Variants in IGSF11 observed in about 807,000 individuals in gnomAD.
IGSF11 encodes the protein immunoglobulin superfamily member 11, also known as CXADR like 1.
In IGSF11, 22 loss-of-function variants were observed where a neutral mutation model predicts 41.0. The ratio of observed to expected loss-of-function variants is 0.54; its 90% CI spans 0.38 to 0.77. The LOEUF (loss-of-function observed/expected upper bound fraction) is 0.77, where lower values mean the gene tolerates loss of function less well. IGSF11 is among the 30% of genes least tolerant of loss of function. The pLI is 0.00. For synonymous variants in IGSF11, 219 were observed against 201.3 expected, an observed-to-expected ratio of 1.09 and a Z score of -0.74; for missense variants, 444 against 530.8, an observed-to-expected ratio of 0.84 and a Z score of 1.61.
chr3:118,975,193 CA>C (rs992385100), intron 1 of IGSF11, among the ~76,000 whole-genome samples: 1 of 151,984 alleles, frequency 6.6e-6, no homozygotes, highest in Non-Finnish European at 1.5e-5. Flanking sequence ...TTGCCTTGAA[CA>C]AAAAAATTAA....
intron 1 of IGSF11, among the ~76,000 whole-genome samples, chr3:119,137,270 T>A (rs1169758240): frequency 6.6e-6 from 1 of 151,988 alleles, no homozygotes; most frequent in Non-Finnish European, 1.5e-5. Flanking sequence ...GCCAAAGCTA[T>A]CCTAAGCAAA....
At chr3:119,107,060 G>A (rs2077043614), upstream of IGSF11, among the ~76,000 whole-genome samples, 3 of 152,122 alleles carry the variant, frequency 2.0e-5, no homozygotes, top group African/African-American at 7.2e-5. Flanking sequence ...GTGTGCATGT[G>A]TCTTTATAGC....
intron 1 of IGSF11, among the ~76,000 whole-genome samples, chr3:119,074,950 C>G (rs548620302): frequency 6.6e-6 from 1 of 152,124 alleles, no homozygotes; most frequent in South Asian, 2.1e-4. Flanking sequence ...CAAACCAATA[C>G]CAATGCTGGC....
intron 1 of IGSF11, among the ~76,000 whole-genome samples, chr3:119,009,794 G>A (rs1477807318): frequency 3.9e-5 from 6 of 152,198 alleles, no homozygotes; most frequent in African/African-American, 7.2e-5. Context: ...ATTTATTCCT[G>A]TTTTGTCATG....
chr3:119,132,127 A>C (rs550575701), intron 1 of IGSF11, among the ~76,000 whole-genome samples: 1 of 152,214 alleles, frequency 6.6e-6, no homozygotes, highest in Admixed American at 6.5e-5. Context: ...TCGATGCTAT[A>C]AAGAAACTGT....
chr3:119,035,172 T>G (rs961570626), upstream of IGSF11, among the ~76,000 whole-genome samples: 2 of 152,240 alleles, frequency 1.3e-5, no homozygotes, highest in African/African-American at 4.8e-5. Flanking sequence ...GTCGGCCTGA[T>G]GCATCCTGGA....
rs1941164328 is a variant in IGSF11, at chr3:119,042,656, G to A, written c.49+62488C>T. 3.9e-5 allele frequency among the ~76,000 whole-genome samples: 6 copies of A among 152,238 alleles called. No individual in the cohort carries two copies. The South Asian group carries it at 1.2e-3, about 32-fold the overall frequency. ...CCTAAGCTCAGACCTGCCTAACAGT[G>A]CCCACACCTGATGGTTTTTCTCTAC... On this transcript the variant is annotated intron_variant, in intron 1 of 6. Transcript: ENST00000354673.
chr3:119,105,254 T>TA, upstream of IGSF11: 1 of 1,051,398 alleles, frequency 9.5e-7, no homozygotes, highest in East Asian at 2.4e-5. Flanking sequence ...CATCATAACA[T>TA]TATATGTATT....
intron 1 of IGSF11, among the ~76,000 whole-genome samples, chr3:119,087,541 T>A (rs140113825): frequency 0.03 from 4,604 of 152,092 alleles, 214 homozygotes; most frequent in African/African-American, 0.1. Context: ...CCAAACATCA[T>A]ATGTTCTCAC....
At chr3:119,045,029 G>A (rs1049260103) in intron 1 of IGSF11, among the ~76,000 whole-genome samples, 2 of 152,322 alleles carry the variant, frequency 1.3e-5, no homozygotes, top group East Asian at 1.9e-4. Flanking sequence ...TCAGCATGAT[G>A]AATAGAACAG....
intron 1 of IGSF11, among the ~76,000 whole-genome samples, chr3:119,055,934 A>T (rs1166746077): frequency 6.6e-6 from 1 of 152,220 alleles, no homozygotes; most frequent in African/African-American, 2.4e-5. Context: ...AAGAAAAAAG[A>T]CTCAACATAC....
chr3:119,044,467 A>G (rs72953018), intron 1 of IGSF11, among the ~76,000 whole-genome samples: 8,498 of 152,166 alleles, frequency 0.056, 783 homozygotes, highest in African/African-American at 0.19. Flanking sequence ...AGAGAAATCT[A>G]AAAGTTTGGA....
intron 1 of IGSF11, among the ~76,000 whole-genome samples, chr3:119,041,825 T>A (rs972365046): frequency 2.0e-5 from 3 of 152,100 alleles, no homozygotes; most frequent in Admixed American, 6.5e-5. Context: ...AAAATAAAAC[T>A]CTAGCTCCAG....
chr3:119,136,074 G>T (rs1244948068), intron 1 of IGSF11, among the ~76,000 whole-genome samples: 1 of 152,176 alleles, frequency 6.6e-6, no homozygotes, highest in Non-Finnish European at 1.5e-5. Context: ...GGGCTTGGGG[G>T]CTGGGGTAGG....
intron 1 of IGSF11, among the ~76,000 whole-genome samples, chr3:119,013,528 A>G (rs144390613): frequency 1.4e-3 from 208 of 152,360 alleles, no homozygotes; most frequent in Middle Eastern, 3.4e-3. Flanking sequence ...AAGTTTCCCA[A>G]TGAATTTTGG....
chr3:118,910,562 C>T (rs992874967), intron 4 of IGSF11, among the ~76,000 whole-genome samples: 2 of 152,216 alleles, frequency 1.3e-5, no homozygotes, highest in Admixed American at 6.5e-5. Context: ...AGCCTGATTA[C>T]TGACACAGTT....
intron 1 of IGSF11, among the ~76,000 whole-genome samples, chr3:118,961,181 A>G (rs1455489307): frequency 6.6e-6 from 1 of 152,226 alleles, no homozygotes; most frequent in Admixed American, 6.5e-5. Context: ...TGTCAGCTAC[A>G]AAGTGACCCT....
intron 1 of IGSF11, among the ~76,000 whole-genome samples, chr3:118,991,731 A>C (rs531084793): frequency 8.5e-5 from 13 of 152,238 alleles, no homozygotes; most frequent in Non-Finnish European, 1.8e-4. Context: ...TAAGAGCATT[A>C]ACTACCATTT....
chr3:118,925,952 C>T (rs1942251276), intron 4 of IGSF11, 149 bp downstream of exon 4: 1 of 462,510 alleles, frequency 2.2e-6, no homozygotes, highest in African/African-American at 2.0e-5. Context: ...CTTTTATTCA[C>T]TTTAAATTTG....
Sources: allele counts gnomAD v4.1 joint callset (sites outside exome capture counted in the v4.1 genomes callset), GRCh38; gene constraint gnomAD v4.1.1; transcripts MANE v1.5; gene names NCBI Gene and HGNC (gene_info 2026-07-23, HGNC 2026-07-21).